EP300: variants seen among roughly 807,000 people sequenced by gnomAD.
EP300 encodes the protein EP300 lysine acetyltransferase, also known as histone acetyltransferase p300.
EP300 carries 31 observed loss-of-function variants against 264.0 expected under a neutral mutation model. That is an observed-to-expected ratio of 0.12 (90% CI 0.09 to 0.16). EP300 has a LOEUF of 0.16. EP300 is among the 10% of genes least tolerant of loss of function. EP300 has a pLI of 1.00. For missense variants in EP300, 2,766 were observed against 3,052.9 expected (o/e 0.91, Z 2.21); for synonymous variants, 1,340 against 1,045.4 (o/e 1.28, Z -5.44).
At chr22:41,108,444 T>A (rs2058770676) in intron 1 of EP300, among the ~76,000 whole-genome samples, 1 of 151,992 alleles carries the variant, frequency 6.6e-6, no homozygotes. Context: ...GACACTGGTG[T>A]CCTTCTACAT....
chr22:41,106,733 G>C (rs140492852), intron 1 of EP300, among the ~76,000 whole-genome samples: 5 of 151,028 alleles, frequency 3.3e-5, no homozygotes, highest in African/African-American at 1.2e-4. Context: ...TCCCACCTCA[G>C]CCTGTAGCTG....
At chr22:41,170,323 C>T (rs976859025) in intron 26 of EP300, 83 bp from the exon 27 acceptor site, 2 of 1,341,288 alleles carry the variant, frequency 1.5e-6, no homozygotes, top group South Asian at 2.4e-5. Flanking sequence ...GTATCTATAT[C>T]AACTCCAACT....
At chr22:41,139,841 A>C (rs2058971662) in intron 8 of EP300, among the ~76,000 whole-genome samples, 1 of 152,228 alleles carries the variant, frequency 6.6e-6, no homozygotes, top group South Asian at 2.1e-4. Flanking sequence ...ACTTGATACT[A>C]TGACAAGGCC....
intron 1 of EP300, among the ~76,000 whole-genome samples, chr22:41,115,192 G>C (rs1452817683): frequency 6.6e-6 from 1 of 152,160 alleles, no homozygotes; most frequent in Non-Finnish European, 1.5e-5. Context: ...ACTGTCAATA[G>C]GTCAATCAGG....
chr22:41,104,009 C>T (rs1232045331), intron 1 of EP300, among the ~76,000 whole-genome samples: 1 of 152,118 alleles, frequency 6.6e-6, no homozygotes. Flanking sequence ...AGAAAATATA[C>T]CAGATACCAA....
chr22:41,126,110 A>G (rs2145708325), intron 3 of EP300, 70 bp downstream of exon 3: 1 of 1,516,516 alleles, frequency 6.6e-7, no homozygotes, highest in African/African-American at 1.4e-5. Flanking sequence ...TTAAACTTTC[A>G]CCCTTCTGTT....
Position 41,178,063 on chromosome 22 carries a change from A to G in EP300, c.6352A>G (p.Met2118Val), listed in dbSNP as rs755381839. The change falls in exon 31 of 31, where the codon ATG becomes GTG. Residue 2118 changes from methionine (M) to valine (V), a missense_variant. Transcript: ENST00000263253. ...QGQPGLQPPT[M>V]PGQQGVHSNP... ...GCAGCCAGGGCTACAGCCACCTACC[A>G]TGCCAGGTCAGCAGGGGGTCCACTC... is the stretch of plus-strand genomic sequence containing the variant. 8.7e-6 allele frequency: 14 copies of G among 1,613,890 alleles called. No homozygotes were observed. In the Admixed American group the frequency reaches 1.5e-4, roughly 17 times the overall value.
intron 25 of EP300, 171 bp from the exon 26 acceptor site, chr22:41,169,332 C>A (rs1340434558): frequency 3.2e-6 from 2 of 634,550 alleles, no homozygotes; most frequent in African/African-American, 3.6e-5. Context: ...CACTGAACTT[C>A]CCTGAAGGGT....
chr22:41,158,883 T>C (rs140805450), intron 19 of EP300: 28 of 246,356 alleles, frequency 1.1e-4, no homozygotes, highest in Admixed American at 4.6e-4. Flanking sequence ...TTTGGAAATA[T>C]TTCCTTTTTA....
At chr22:41,149,736 C>A in intron 13 of EP300, 25 bp from the exon 14 acceptor site, 1 of 1,611,412 alleles carries the variant, frequency 6.2e-7, no homozygotes, top group Non-Finnish European at 8.5e-7. Flanking sequence ...GAATTGCTGT[C>A]TTGTTATGTT....
At chr22:41,140,978 A>AT in intron 9 of EP300, 70 bp from the exon 10 acceptor site, 1 of 1,439,216 alleles carries the variant, frequency 6.9e-7, no homozygotes, top group Non-Finnish European at 9.6e-7. Context: ...TTCTCAGTTT[A>AT]TTTTTTCTGT....
chr22:41,161,934 G>A (rs2059110661), intron 20 of EP300, among the ~76,000 whole-genome samples: 1 of 152,164 alleles, frequency 6.6e-6, no homozygotes, highest in Non-Finnish European at 1.5e-5. Context: ...AAGCCAGGAA[G>A]GTTAGCTCTA....
chr22:41,171,899 C>G (rs1050157853), intron 27 of EP300, among the ~76,000 whole-genome samples: 1 of 152,148 alleles, frequency 6.6e-6, no homozygotes. Context: ...AGGTGTGAGT[C>G]ACTGCACCTG....
chr22:41,163,435 A>G (rs2059118294), intron 21 of EP300, among the ~76,000 whole-genome samples: 1 of 116,496 alleles, frequency 8.6e-6, no homozygotes, highest in Non-Finnish European at 1.7e-5. Flanking sequence ...ACTCCGTCTC[A>G]AAAAAAAAAA....
intron 1 of EP300, among the ~76,000 whole-genome samples, chr22:41,100,484 T>G (rs148435342): frequency 2.9e-3 from 436 of 152,302 alleles, no homozygotes; most frequent in Non-Finnish European, 5.3e-3. Flanking sequence ...GGAAAAATAC[T>G]GTACAGTTAG....
At chr22:41,094,430 G>T (rs1399162974) in intron 1 of EP300, among the ~76,000 whole-genome samples, 1 of 152,188 alleles carries the variant, frequency 6.6e-6, no homozygotes, top group African/African-American at 2.4e-5. Context: ...AGAAAGATGT[G>T]AAATGAATTT....
At chr22:41,114,518 A>T (rs1249960253) in intron 1 of EP300, among the ~76,000 whole-genome samples, 1 of 152,172 alleles carries the variant, frequency 6.6e-6, no homozygotes, top group African/African-American at 2.4e-5. Context: ...ATGATATTTC[A>T]AAAGGAAAGA....
rs761660410 is a variant in EP300, at chr22:41,172,604, C to G, written c.4558C>G (p.Leu1520Val). 4 of 1,613,914 alleles carry G rather than the reference C, an allele frequency of 2.5e-6. No individual in the cohort carries two copies. The highest frequency in any genetic ancestry group is 3.3e-5 in the Admixed American group (2 of 59,984). The change falls in exon 28 of 31, where the codon CTG (leucine) becomes GTG (valine). Residue 1520 changes from leucine to valine, a missense_variant. Leu to Val is a conservative substitution (Grantham distance 32, BLOSUM62 1). Transcript: ENST00000263253. ...TGTTCTGGAAGAAAGCATTAAGGAA[C>G]TGGAACAGGAGGAAGAAGAGAGAAA... ...PNVLEESIKE[L>V]EQEEEERKRE...
chr22:41,178,728 C>T lies in EP300; in HGVS notation c.7017C>T (p.His2339=), dbSNP rs759571982. ...TGCAGCCTCAGCCTTCTCCACACCA[C>T]GTTTCCCCACAGACAAGTTCCCCAC... The part of the protein sequence containing the change: ...PRMQPQPSPH[H]VSPQTSSPHP... The change falls in exon 31 of 31, where the codon CAC becomes CAT. Residue 2339 remains histidine, a synonymous_variant. Transcript: ENST00000263253. The T allele has an allele frequency of 1.9e-5, 30 of 1,614,048 alleles. No individual in the cohort carries two copies. The highest frequency in any genetic ancestry group is 1.6e-4 in the Middle Eastern group (1 of 6,084).
Sources: gnomAD v4.1 joint callset for allele counts (sites outside exome capture counted in the v4.1 genomes callset) on GRCh38, gnomAD v4.1.1 for gene constraint, MANE v1.5 for transcripts, NCBI Gene and HGNC (gene_info 2026-07-23, HGNC 2026-07-21) for gene names.